The following DENND4B variants were observed in gnomAD, a reference collection of about 807,000 sequenced individuals.
DENND4B encodes DENN domain-containing protein 4B.
In DENND4B, 67 loss-of-function variants were observed where a neutral mutation model predicts 161.0. The observed-to-expected ratio is 0.42, with a 90% CI of 0.34 to 0.51. The LOEUF is 0.51. Ranked by LOEUF, DENND4B falls within the 20% of genes least tolerant of loss-of-function variation. The pLI is 0.08. For synonymous variants in DENND4B, 753 were observed against 813.8 expected, an observed-to-expected ratio of 0.93 and a Z score of 1.27; for missense variants, 1,481 against 1,968.0, an observed-to-expected ratio of 0.75 and a Z score of 4.68.
intron 2 of DENND4B, among the ~76,000 whole-genome samples, chr1:153,943,426 C>A (rs1679784649): frequency 6.6e-6 from 1 of 152,092 alleles, no homozygotes; most frequent in African/African-American, 2.4e-5. Context: ...GCCTATAATC[C>A]CAGCACTTTG....
At position 153,942,017 on chromosome 1, in the gene DENND4B, G is replaced by A. The variant is rs530329688; in HGVS notation, c.907C>T (p.Arg303Trp). The A allele has an allele frequency of 5.0e-6, 8 of 1,610,926 alleles. No individual in the cohort carries two copies. Among genetic ancestry groups the A allele is most frequent in the African/African-American group, 4.0e-5 (3 of 74,984 alleles). The change falls in exon 6 of 28, where the codon CGG becomes TGG. Residue 303 changes from arginine (R) to tryptophan (W), a missense_variant. This residue lies in a region of DENND4B where 806 missense variants were observed against 1,134.4 expected (regional missense o/e 0.71). Transcript: ENST00000361217. This position sits in a 1 kb window ranked among gnomAD's most constrained non-coding sequence, Gnocchi z 6.9. ...RALGLLSAVE[R>W]GRALGGRAVR... The stretch of plus-strand genomic sequence containing the variant: ...GCTCTGCCCCCCAGTGCCCGACCCC[G>A]CTCCACGGCGCTCAGCAGGCCCAGT...
Position 153,930,979 on chromosome 1 carries a change from C to A in DENND4B, c.4082G>T (p.Cys1361Phe), listed in dbSNP as rs1301634189. Reference sequence around the variant, plus strand: ...CCTCCAGAGCACATAGAGAGGTGGGCAGCTATTGGGGTCAGGGGTCAGTAC... The same window carrying A: ...CCTCCAGAGCACATAGAGAGGTGGGAAGCTATTGGGGTCAGGGGTCAGTAC... Reference protein sequence around the residue: ...WDVLTPDPNSCPPLYVLWRVH... With the variant: ...WDVLTPDPNSFPPLYVLWRVH... Residue 1361 changes from cysteine (C) to phenylalanine (F), a missense_variant, in exon 25 of 28, where the codon TGC (cysteine) becomes TTC (phenylalanine). Physicochemically the swap from Cys to Phe is radical, Grantham distance 205 (BLOSUM62 -2). This residue lies in a region of DENND4B where 336 missense variants were observed against 503.3 expected (regional missense o/e 0.67). Coordinates refer to ENST00000361217, the MANE Select transcript of DENND4B (RefSeq NM_014856.3). The surrounding 1 kb of genome is among the most constrained non-coding windows in gnomAD (Gnocchi z 4.7). 1.2e-6 allele frequency: 2 copies of A among 1,609,382 alleles called. No homozygotes were observed. The highest frequency in any genetic ancestry group is 1.3e-5 in the African/African-American group (1 of 74,718).
chr1:153,934,163 C>T lies in DENND4B; in HGVS notation c.2913G>A (p.Gln971=), dbSNP rs1281849375. The change falls in exon 19 of 28, where the codon CAG becomes CAA. Residue 971 remains glutamine, a synonymous_variant. Transcript: ENST00000361217. This position sits in a 1 kb window ranked among gnomAD's most constrained non-coding sequence, Gnocchi z 5.3. ...SGSLGSARGA[Q]PTVEAGVAHM... The stretch of plus-strand genomic sequence containing the variant: ...GGGCCACACCGGCCTCCACAGTGGG[C>T]TGTGCCCCTCGGGCACTGCCCAGGC... 6.3e-7 allele frequency: 1 copy of T among 1,585,942 alleles called. No homozygotes were observed. Among genetic ancestry groups the T allele is most frequent in the Non-Finnish European group, 8.5e-7 (1 of 1,172,178 alleles).
In DENND4B at chr1:153,940,662, G is replaced by A. The variant is rs1679614088; in HGVS notation, c.1327-56C>T. The A allele has an allele frequency of 3.2e-6, 5 of 1,575,726 alleles. No individual in the cohort carries two copies. In the South Asian group the frequency reaches 4.6e-5, roughly 15 times the overall value. ...CAGGGGGTTGAGGCAGCAGTGGGAG[G>A]CACAGGAGAGAGAAAGAGAGGGCAT... On this transcript the variant is annotated intron_variant, in intron 9 of 27. Coordinates refer to ENST00000361217, the MANE Select transcript of DENND4B (RefSeq NM_014856.3). The surrounding 1 kb of genome is among the most constrained non-coding windows in gnomAD (Gnocchi z 5.6).
Position 153,942,917 on chromosome 1 carries a change from A to G in DENND4B, c.531T>C (p.His177=). Residue 177 remains histidine, a synonymous_variant, in exon 3 of 28, where the codon CAT becomes CAC. Transcript: ENST00000361217. The surrounding 1 kb of genome is among the most constrained non-coding windows in gnomAD (Gnocchi z 6.9). ...VLPSKGEGTP[H]TYCRLPRNLN... ...GGTTGCGGGGCAGCCGGCAGTAAGT[A>G]TGAGGAGTGCCCTCGCCCTTACTGG... The G allele has an allele frequency of 2.5e-6, 4 of 1,609,410 alleles. No individual in the cohort carries two copies. Among genetic ancestry groups the G allele is most frequent in the Non-Finnish European group, 2.6e-6 (3 of 1,176,414 alleles).
Position 153,934,332 on chromosome 1 carries a change from G to C in DENND4B, c.2774-30C>G. On this transcript the variant is annotated intron_variant, in intron 18 of 27. Transcript: ENST00000361217. The surrounding 1 kb of genome is among the most constrained non-coding windows in gnomAD (Gnocchi z 5.3). Reference sequence around the variant, plus strand: ...AAAAGACGAGAAGGGGTTTAGAGGCGGCCAGCTAGGAACCCAGTCCCCTGT... The same window carrying C: ...AAAAGACGAGAAGGGGTTTAGAGGCCGCCAGCTAGGAACCCAGTCCCCTGT... 1 of 1,547,870 alleles carries C rather than the reference G, an allele frequency of 6.5e-7. No individual in the cohort carries two copies. Among genetic ancestry groups the C allele is most frequent in the African/African-American group, 1.4e-5 (1 of 72,334 alleles).
chr1:153,936,498 G>A lies in DENND4B; in HGVS notation c.2439+44C>T. The A allele has an allele frequency of 6.6e-7, 1 of 1,505,364 alleles. No homozygotes were observed. Among genetic ancestry groups the A allele is most frequent in the Non-Finnish European group, 8.9e-7 (1 of 1,118,642 alleles). 93.3% of individuals were successfully genotyped at this position (1,505,364 alleles called of 1,614,324 possible). A position where few individuals can be genotyped will look rare whatever the true frequency, so the allele number is the denominator to read the frequency against. ...TCACAGCCCTCTCCAGCTGCACAAG[G>A]CTCACTGGGCCTGGGTATGAGCATG... is the stretch of plus-strand genomic sequence containing the variant. On this transcript the variant is annotated intron_variant, in intron 16 of 27. Transcript: ENST00000361217. This position sits in a 1 kb window ranked among gnomAD's most constrained non-coding sequence, Gnocchi z 4.1.
rs768829830 is a variant in DENND4B, at chr1:153,934,915, C to T, written c.2618G>A (p.Arg873His). The T allele has an allele frequency of 1.3e-5, 21 of 1,613,376 alleles. No homozygotes were observed. Among genetic ancestry groups the T allele is most frequent in the South Asian group, 3.3e-5 (3 of 91,090 alleles). The change falls in exon 18 of 28, where the codon CGC becomes CAC. Residue 873 changes from arginine (R) to histidine (H), a missense_variant. Arg to His is a conservative substitution (Grantham distance 29). This residue lies in a region of DENND4B where 339 missense variants were observed against 330.3 expected (regional missense o/e 1.03). Transcript: ENST00000361217. The surrounding 1 kb of genome is among the most constrained non-coding windows in gnomAD (Gnocchi z 5.3). ...GACAACATTCCGGAGCTTGGCCCAG[C>T]GCAGACGCCCACCTGGTGTGCCAGA... ...WPSGTPGGRL[R>H]WAKLRNVVLG...
chr1:153,941,772 C>CCGGGG, intron 6 of DENND4B, 97 bp downstream of exon 6: 2 of 1,464,446 alleles, frequency 1.4e-6, no homozygotes, highest in East Asian at 2.4e-5. Flanking sequence ...TACCCTGTGC[C>CCGGGG]CAGCCCTCCC....
At chr1:153,935,086 T>TC in intron 17 of DENND4B, 122 bp from the exon 18 acceptor site, 1 of 1,484,396 alleles carries the variant, frequency 6.7e-7, no homozygotes, top group Non-Finnish European at 8.9e-7. Flanking sequence ...TCTAGGACTG[T>TC]CCGGCCAATG....
chr1:153,934,656 A>G lies in DENND4B; in HGVS notation c.2773+104T>C, dbSNP rs1679212635. The G allele has an allele frequency of 6.7e-7, 1 of 1,494,028 alleles. No homozygotes were observed. Among genetic ancestry groups the G allele is most frequent in the Admixed American group, 2.2e-5 (1 of 46,504 alleles). The allele number at this position is 1,494,028 out of a possible 1,614,324, so 92.5% of individuals were successfully genotyped here. A position where few individuals can be genotyped will look rare whatever the true frequency, so the allele number is the denominator to read the frequency against. On this transcript the variant is annotated intron_variant, in intron 18 of 27. Transcript: ENST00000361217. The surrounding 1 kb of genome is among the most constrained non-coding windows in gnomAD (Gnocchi z 5.3). ...AGTCAAGTGTAATTTATCAATCCCC[A>G]GAAACCCAATGCCAACCATTAGACC...
intron 6 of DENND4B, 45 bp from the exon 7 acceptor site, chr1:153,941,485 C>A: frequency 6.4e-7 from 1 of 1,558,784 alleles, no homozygotes; most frequent in South Asian, 1.2e-5. Context: ...CCCGTCCATC[C>A]CTGTCCTCCC....
At position 153,940,262 on chromosome 1, in the gene DENND4B, AGAAAAGCATAAGG is replaced by A; in HGVS notation, c.1503-19_1503-7del. ...GGAGCTTCTTTTCCTCAGTCCTGTGAGAAAAGCATAAGGGGAAAGAGTGGCGAGGCTCTGGGAT... is the reference window on the plus strand; with the variant it reads ...GGAGCTTCTTTTCCTCAGTCCTGTGAGGAAAGAGTGGCGAGGCTCTGGGAT... On this transcript the variant is annotated splice_region_variant and splice_polypyrimidine_tract_variant and intron_variant, in intron 10 of 27. Coordinates refer to ENST00000361217, the MANE Select transcript of DENND4B (RefSeq NM_014856.3). This position sits in a 1 kb window ranked among gnomAD's most constrained non-coding sequence, Gnocchi z 5.6. 6.3e-7 allele frequency: 1 copy of A among 1,591,314 alleles called. No homozygotes were observed. Among genetic ancestry groups the A allele is most frequent in the Non-Finnish European group, 8.5e-7 (1 of 1,169,600 alleles).
chr1:153,935,025 C>T, intron 17 of DENND4B, 61 bp from the exon 18 acceptor site: 1 of 1,584,714 alleles, frequency 6.3e-7, no homozygotes, highest in Non-Finnish European at 8.6e-7. Context: ...GCCTCATACC[C>T]ACTCCCTGTC....
At chr1:153,938,844 CAG>C in intron 13 of DENND4B, 54 bp downstream of exon 13, 1 of 1,550,500 alleles carries the variant, frequency 6.4e-7, no homozygotes, top group Non-Finnish European at 8.7e-7. Context: ...CTTGGGGCAA[CAG>C]AGACAATGAG....
Position 153,932,756 on chromosome 1 carries a change from A to G in DENND4B, c.3645T>C (p.Ala1215=), listed in dbSNP as rs1177939110. The G allele has an allele frequency of 6.2e-7, 1 of 1,613,922 alleles. No individual in the cohort carries two copies. Among genetic ancestry groups the G allele is most frequent in the Non-Finnish European group, 8.5e-7 (1 of 1,179,900 alleles). Reference sequence around the variant, plus strand: ...GAGCATCTTTGCTGCCACTGGCACCAGCAGATTTGGGGCTGGGGACACTGC... The same window carrying G: ...GAGCATCTTTGCTGCCACTGGCACCGGCAGATTTGGGGCTGGGGACACTGC... ...SRPSVPSPKS[A]GASGSKDAPV... is the part of the protein sequence containing the mutation. Residue 1215 remains alanine, a synonymous_variant, in exon 23 of 28, where the codon GCT becomes GCC. Transcript: ENST00000361217. This position sits in a 1 kb window ranked among gnomAD's most constrained non-coding sequence, Gnocchi z 5.8.
At chr1:153,935,180 G>T in intron 17 of DENND4B, 1 of 795,672 alleles carries the variant, frequency 1.3e-6, no homozygotes, top group Non-Finnish European at 1.9e-6. Context: ...AGGCAGTGGA[G>T]AAAATTTGTA....
rs1410636708 is a variant in DENND4B at position 153,933,650 on chromosome 1, G to A, written c.3163C>T (p.Arg1055Ter). The A allele has an allele frequency of 6.4e-7, 1 of 1,564,680 alleles. No individual in the cohort carries two copies. ...GRQDEAGTPRRGLGARLQQLL... is the reference protein window; with the variant it reads ...GRQDEAGTPR ...TGTTGGAGGCGGGCACCCAGCCCTCGTCGGGGGGTGCCTGCCTCATCCTGT... is the reference window on the plus strand; with the variant it reads ...TGTTGGAGGCGGGCACCCAGCCCTCATCGGGGGGTGCCTGCCTCATCCTGT... The change falls in exon 20 of 28, where the codon CGA (arginine) becomes TGA (stop). Residue 1055 changes from arginine to a stop codon, truncating the protein, a stop_gained. Transcript: ENST00000361217. LOFTEE classifies it high-confidence loss of function. This position sits in a 1 kb window ranked among gnomAD's most constrained non-coding sequence, Gnocchi z 5.7.
chr1:153,938,796 A>C, intron 13 of DENND4B, 104 bp downstream of exon 13: 1 of 1,147,498 alleles, frequency 8.7e-7, no homozygotes, highest in Non-Finnish European at 1.2e-6. Flanking sequence ...GTCTACAGCC[A>C]TACCACCCTG....
Sources: gnomAD v4.1 joint callset for allele counts (sites outside exome capture counted in the v4.1 genomes callset) on GRCh38, gnomAD v4.1.1 for gene constraint, gnomAD v4.1.1 regional missense constraint, Gnocchi (gnomAD v3.1) non-coding constraint, MANE v1.5 for transcripts, NCBI Gene and HGNC (gene_info 2026-07-23, HGNC 2026-07-21) for gene names.